Variants in TAF6L observed in about 807,000 individuals in gnomAD.
The protein encoded by TAF6L is TATA-box binding protein associated factor 6 like.
TAF6L carries 34 observed loss-of-function variants against 57.3 expected under a neutral mutation model. The ratio of observed to expected loss-of-function variants is 0.59; its 90% CI spans 0.45 to 0.79. The LOEUF (loss-of-function observed/expected upper bound fraction) is 0.79, where lower values mean the gene tolerates loss of function less well. Among genes scored for constraint, TAF6L ranks in the 30% least tolerant of loss-of-function variants. The pLI, the probability that TAF6L is intolerant of heterozygous loss-of-function variation, is 0.00. For missense variants in TAF6L, 782 were observed against 853.2 expected (o/e 0.92, Z 1.04); for synonymous variants, 417 against 376.3 (o/e 1.11, Z -1.25).
chr11:62,783,121 T>A (rs901282751), intron 9 of TAF6L, among the ~76,000 whole-genome samples: 1 of 152,234 alleles, frequency 6.6e-6, no homozygotes, highest in African/African-American at 2.4e-5. Context: ...TACACATGAA[T>A]AGATACTGAA....
At chr11:62,784,182 G>A (rs903630380) in intron 9 of TAF6L, among the ~76,000 whole-genome samples, 4 of 149,092 alleles carry the variant, frequency 2.7e-5, no homozygotes, top group East Asian at 4.0e-4. Context: ...TAGAGACGGG[G>A]TTTCACAATG....
At chr11:62,776,525 C>A in intron 3 of TAF6L, 55 bp downstream of exon 3, 1 of 1,558,158 alleles carries the variant, frequency 6.4e-7, no homozygotes, top group Non-Finnish European at 8.8e-7. Flanking sequence ...ACTTCCATGT[C>A]CAGTTCAGGG....
At chr11:62,782,382 G>A in intron 8 of TAF6L, 49 bp downstream of exon 8, 1 of 1,583,750 alleles carries the variant, frequency 6.3e-7, no homozygotes, top group South Asian at 1.1e-5. Context: ...AGAGCCAAGT[G>A]GGTTGGGGTA....
intron 9 of TAF6L, chr11:62,786,055 T>C (rs1324810482): frequency 6.7e-6 from 4 of 599,190 alleles, no homozygotes; most frequent in Non-Finnish European, 8.7e-6. Context: ...TGTCTCCCTT[T>C]GTACCTTATC....
chr11:62,772,996 G>A (rs1276824994), intron 1 of TAF6L, among the ~76,000 whole-genome samples: 1 of 151,344 alleles, frequency 6.6e-6, no homozygotes, highest in African/African-American at 2.4e-5. Flanking sequence ...TCCTGCCTCA[G>A]CCTCCTGGGT....
intron 1 of TAF6L, chr11:62,774,548 T>C (rs1330321749): frequency 6.6e-6 from 3 of 454,150 alleles, no homozygotes; most frequent in African/African-American, 2.0e-5. Flanking sequence ...GATCTGGGCC[T>C]TCCTGTCTGA....
intron 5 of TAF6L, chr11:62,778,641 G>A (rs1318552977): frequency 4.9e-6 from 3 of 611,518 alleles, no homozygotes; most frequent in African/African-American, 1.9e-5. Context: ...GCTCTCAGGA[G>A]TCCGTCTGGC....
At chr11:62,784,595 C>CG in intron 9 of TAF6L, among the ~76,000 whole-genome samples, 1 of 152,002 alleles carries the variant, frequency 6.6e-6, no homozygotes, top group African/African-American at 2.4e-5. Context: ...TGTGAGCCAC[C>CG]GTGCCTGGCC....
Position 62,778,267 on chromosome 11 carries a change from T to C in TAF6L, c.386-18T>C, listed in dbSNP as rs764315799. The C allele has an allele frequency of 1.2e-6, 2 of 1,614,130 alleles. No individual in the cohort carries two copies. Among genetic ancestry groups the C allele is most frequent in the South Asian group, 2.2e-5 (2 of 91,078 alleles). ...GGGCAAAACGCCAGGCTGACACATC[T>C]CTCTGCACTGCTTCTAGTTCATGTC... On this transcript the variant is annotated intron_variant, in intron 4 of 10. Transcript: ENST00000294168.
At position 62,775,805 on chromosome 11, in the gene TAF6L, C is replaced by T. The variant is rs749042287; in HGVS notation, c.22C>T (p.Arg8Trp). 18 of 1,610,654 alleles carry T rather than the reference C, an allele frequency of 1.1e-5. No homozygotes were observed. The highest frequency in any genetic ancestry group is 5.3e-5 in the African/African-American group (4 of 74,852). The change falls in exon 2 of 11, where the codon CGG becomes TGG. Residue 8 changes from arginine to tryptophan, a missense_variant. Coordinates refer to ENST00000294168, the MANE Select transcript of TAF6L (RefSeq NM_006473.4). MSEREERRFVEIPRESVR... is the reference protein window; with the variant it reads MSEREERWFVEIPRESVR... ...GGCCATGTCAGAGCGAGAAGAGCGG[C>T]GGTTTGTGGAGATCCCTCGGGAGTC...
chr11:62,786,121 G>T, intron 9 of TAF6L, 139 bp from the exon 10 acceptor site: 1 of 1,063,934 alleles, frequency 9.4e-7, no homozygotes, highest in Non-Finnish European at 1.4e-6. Context: ...ATATATGGTT[G>T]AATATGCCAA....
chr11:62,782,488 G>C, intron 8 of TAF6L, 155 bp downstream of exon 8: 4 of 1,041,088 alleles, frequency 3.8e-6, no homozygotes, highest in Non-Finnish European at 5.5e-6. Flanking sequence ...TGACACACTG[G>C]GATTCTGAAA....
At chr11:62,776,237 T>G in intron 2 of TAF6L, 147 bp from the exon 3 acceptor site, 1 of 804,190 alleles carries the variant, frequency 1.2e-6, no homozygotes, top group Non-Finnish European at 2.0e-6. Context: ...GGTGTTTTTG[T>G]ACAGGAGCAG....
chr11:62,782,070 C>G, intron 7 of TAF6L, 43 bp from the exon 8 acceptor site: 1 of 1,589,912 alleles, frequency 6.3e-7, no homozygotes, highest in Non-Finnish European at 8.6e-7. Flanking sequence ...GGGCTCCTGC[C>G]TGTCCCCTCA....
intron 6 of TAF6L, among the ~76,000 whole-genome samples, chr11:62,779,741 C>T (rs1425922785): frequency 2.0e-5 from 3 of 151,540 alleles, no homozygotes; most frequent in Non-Finnish European, 4.4e-5. Context: ...TGTTGGCTCA[C>T]TGCAGCCTCT....
chr11:62,776,488 T>C lies in TAF6L; in HGVS notation c.234+18T>C, dbSNP rs567791. On this transcript the variant is annotated intron_variant, in intron 3 of 10. Transcript: ENST00000294168. ...GCGTGGAGGTGAGTGGGGTGCAGGC[T>C]ACAGAGGGCTCAGGTGGCATGAGGC... is the stretch of plus-strand genomic sequence containing the variant. The C allele has an allele frequency of 0.052, 83,417 of 1,611,962 alleles. 5,634 individuals carry two copies. Among genetic ancestry groups the C allele is most frequent in the African/African-American group, 0.31 (23,291 of 74,866 alleles).
At chr11:62,771,537 G>T in intron 1 of TAF6L, 47 bp downstream of exon 1, 1 of 158,482 alleles carries the variant, frequency 6.3e-6, no homozygotes, top group South Asian at 1.5e-4. Flanking sequence ...TCCCGACGCC[G>T]ACTGCTTACT....
intron 9 of TAF6L, among the ~76,000 whole-genome samples, chr11:62,783,481 CAAA>C (rs1038569482): frequency 2.8e-5 from 2 of 72,284 alleles, no homozygotes; most frequent in Admixed American, 1.5e-4. Flanking sequence ...GACTCTGTCT[CAAA>C]AAAAAAAAAA....
chr11:62,781,815 A>G (rs1431638402), intron 6 of TAF6L, 79 bp from the exon 7 acceptor site: 7 of 1,177,794 alleles, frequency 5.9e-6, no homozygotes, highest in South Asian at 1.2e-5. Context: ...AAGGTGATAC[A>G]CTGTCTTCCA....
Sources: gnomAD v4.1 joint callset for allele counts (sites outside exome capture counted in the v4.1 genomes callset) on GRCh38, gnomAD v4.1.1 for gene constraint, MANE v1.5 for transcripts, NCBI Gene and HGNC (gene_info 2026-07-23, HGNC 2026-07-21) for gene names.